The following TRIM24 variants were observed in gnomAD, a reference collection of about 807,000 sequenced individuals.
TRIM24 encodes the protein tripartite motif containing 24, also known as transcription intermediary factor 1-alpha.
Under a neutral mutation model 123.9 loss-of-function variants are expected in TRIM24, and 29 were observed. That is an observed-to-expected ratio of 0.23 (90% CI 0.17 to 0.32). The LOEUF (loss-of-function observed/expected upper bound fraction) is 0.32, where lower values mean the gene tolerates loss of function less well. TRIM24 is among the 10% of genes least tolerant of loss of function. The pLI is 1.00. For missense variants in TRIM24, 932 were observed against 1,295.3 expected (o/e 0.72, Z 4.31); for synonymous variants, 456 against 461.1 (o/e 0.99, Z 0.14).
intron 1 of TRIM24, among the ~76,000 whole-genome samples, chr7:138,489,881 A>T (rs1050562220): frequency 1.3e-5 from 2 of 152,018 alleles, no homozygotes; most frequent in African/African-American, 4.8e-5. Flanking sequence ...GTATTTCCTG[A>T]ATTTGAACGT....
chr7:138,573,690 C>T (rs1350170281), intron 12 of TRIM24, 48 bp downstream of exon 12: 3 of 1,570,392 alleles, frequency 1.9e-6, no homozygotes, highest in Admixed American at 4.0e-5. Flanking sequence ...CTAGTTTTCA[C>T]TTTACTTGGA....
At chr7:138,500,632 G>GGGA (rs1450216520) in intron 1 of TRIM24, among the ~76,000 whole-genome samples, 1 of 151,398 alleles carries the variant, frequency 6.6e-6, no homozygotes, top group Non-Finnish European at 1.5e-5. Flanking sequence ...ACAGCACTTT[G>GGGA]GGAGGCCAAG....
intron 2 of TRIM24, among the ~76,000 whole-genome samples, chr7:138,510,235 A>G (rs986227125): frequency 6.6e-6 from 1 of 152,262 alleles, no homozygotes; most frequent in African/African-American, 2.4e-5. Flanking sequence ...CGAATGTGAA[A>G]CCAGCTTGTA....
chr7:138,519,232 T>C lies in TRIM24; in HGVS notation c.675T>C (p.Phe225=). 2 of 1,614,156 alleles carry C rather than the reference T, an allele frequency of 1.2e-6. No homozygotes were observed. The highest frequency in any genetic ancestry group is 2.2e-5 in the South Asian group (2 of 91,076). The change falls in exon 4 of 19, where the codon TTT becomes TTC. Residue 225 remains phenylalanine, a synonymous_variant. Coordinates refer to ENST00000343526, the MANE Select transcript of TRIM24 (RefSeq NM_015905.3). ...VTSQRPVFCP[F]HKKEQLKLYC... The stretch of plus-strand genomic sequence containing the variant: ...GCCAGCGACCAGTGTTTTGTCCTTT[T>C]CATAAAAAGGAGCAGCTGAAGCTGT...
At chr7:138,522,571 A>G (rs1796525706) in intron 4 of TRIM24, among the ~76,000 whole-genome samples, 2 of 152,314 alleles carry the variant, frequency 1.3e-5, no homozygotes, top group Non-Finnish European at 1.5e-5. Flanking sequence ...AAAGGAAAAA[A>G]TTATTTAGAA....
chr7:138,554,809 A>G lies in TRIM24; in HGVS notation c.1373A>G (p.Lys458Arg), dbSNP rs754235996. The G allele has an allele frequency of 6.2e-7, 1 of 1,614,112 alleles. No individual in the cohort carries two copies. The highest frequency in any genetic ancestry group is 1.7e-5 in the Admixed American group (1 of 60,006). The change falls in exon 9 of 19, where the codon AAG becomes AGG. Residue 458 changes from lysine (K) to arginine (R), a missense_variant. Physicochemically the swap from Lys to Arg is conservative, Grantham distance 26. Coordinates refer to ENST00000343526, the MANE Select transcript of TRIM24 (RefSeq NM_015905.3). The surrounding 1 kb of genome is among the most constrained non-coding windows in gnomAD (Gnocchi z 4.5). Reference protein sequence around the residue: ...PSGLSSNQLSKFPTQISLAQL... With the variant: ...PSGLSSNQLSRFPTQISLAQL... ...GGTTTATCATCAAACCAGTTATCCA[A>G]GTTCCCAACACAGATCAGCCTAGCT...
chr7:138,588,191 G>T lies in TRIM24; in HGVS notation c.*3240G>T, dbSNP rs1198883055. The T allele has an allele frequency of 6.6e-6, 1 of 152,164 alleles. No homozygotes were observed. Among genetic ancestry groups the T allele is most frequent in the Non-Finnish European group, 1.5e-5 (1 of 68,032 alleles). The allele number at this position is 152,164 out of a possible 1,614,324, so 9.4% of individuals were successfully genotyped here. Reference sequence around the variant, plus strand: ...AAACTGCATTTCAATATGCTATGCTGTTACTGTGCTTAGACACTTCCTTAC... The same window carrying T: ...AAACTGCATTTCAATATGCTATGCTTTTACTGTGCTTAGACACTTCCTTAC... On this transcript the variant is annotated 3_prime_UTR_variant, in exon 19 of 19. Transcript: ENST00000343526.
Position 138,515,329 on chromosome 7 carries a change from A to G in TRIM24, c.601A>G (p.Thr201Ala), listed in dbSNP as rs891785744. The change falls in exon 3 of 19, where the codon ACT becomes GCT. Residue 201 changes from threonine to alanine, a missense_variant. Coordinates refer to ENST00000343526, the MANE Select transcript of TRIM24 (RefSeq NM_015905.3). ...GAGGGTAAAGTTCACAAAAGACCAC[A>G]CTGTCAGACAGAAAGAGGAAGTATC... ...HQRVKFTKDH[T>A]VRQKEEVSPE... The G allele has an allele frequency of 1.2e-6, 2 of 1,613,988 alleles. No individual in the cohort carries two copies. Among genetic ancestry groups the G allele is most frequent in the Non-Finnish European group, 1.7e-6 (2 of 1,179,990 alleles).
intron 1 of TRIM24, among the ~76,000 whole-genome samples, chr7:138,474,067 A>G (rs1795343789): frequency 6.6e-6 from 1 of 151,628 alleles, no homozygotes; most frequent in South Asian, 2.1e-4. Context: ...CATGGCACCC[A>G]GTTGAGCACT....
At chr7:138,497,501 A>G (rs953178397) in intron 1 of TRIM24, among the ~76,000 whole-genome samples, 14 of 147,444 alleles carry the variant, frequency 9.5e-5, no homozygotes, top group African/African-American at 2.5e-4. Flanking sequence ...CCTGGGTTCA[A>G]TCTCCCTGCC....
chr7:138,525,428 T>G, intron 5 of TRIM24, 71 bp downstream of exon 5: 1 of 863,252 alleles, frequency 1.2e-6, no homozygotes, highest in Non-Finnish European at 1.7e-6. Flanking sequence ...AACATTTTCC[T>G]TAAGTCACAG....
At chr7:138,581,881 CTTAAATCTTA>C in intron 17 of TRIM24, 110 bp downstream of exon 17, 1 of 813,786 alleles carries the variant, frequency 1.2e-6, no homozygotes, top group Non-Finnish European at 2.0e-6. Context: ...ATATCTAAAC[CTTAAATCTTA>C]ATAATACATA....
At chr7:138,463,988 A>ATT (rs1359459460) in intron 1 of TRIM24, among the ~76,000 whole-genome samples, 1 of 32,114 alleles carries the variant, frequency 3.1e-5, no homozygotes. Flanking sequence ...AAAAATTTAG[A>ATT]CTTTTTTTTT....
At chr7:138,516,821 T>G (rs1414722668) in intron 3 of TRIM24, among the ~76,000 whole-genome samples, 1 of 151,622 alleles carries the variant, frequency 6.6e-6, no homozygotes, top group Non-Finnish European at 1.5e-5. Flanking sequence ...TTGTTTTTTT[T>G]TTTTTTTTGA....
At chr7:138,574,368 T>C (rs2116677862) in intron 12 of TRIM24, among the ~76,000 whole-genome samples, 1 of 152,308 alleles carries the variant, frequency 6.6e-6, no homozygotes, top group East Asian at 1.9e-4. Context: ...AAAGAGAATT[T>C]AAGTCACTCA....
At chr7:138,537,379 GTTTTTTTTTTTT>G (rs71177994) in intron 6 of TRIM24, among the ~76,000 whole-genome samples, 1,247 of 56,682 alleles carry the variant, frequency 0.022, 28 homozygotes, top group African/African-American at 0.083. Flanking sequence ...ACCCCTGTTT[GTTTTTTTTTTTT>G]TTTTTTTTTT....
intron 14 of TRIM24, among the ~76,000 whole-genome samples, 175 bp from the exon 15 acceptor site, chr7:138,579,029 A>C (rs1271945920): frequency 6.6e-6 from 1 of 151,578 alleles, no homozygotes; most frequent in African/African-American, 2.4e-5. Context: ...TTATTTTGGT[A>C]TTTTTTAGTA....
intron 7 of TRIM24, among the ~76,000 whole-genome samples, chr7:138,548,367 C>T (rs371403593): frequency 3.3e-5 from 5 of 151,450 alleles, no homozygotes; most frequent in South Asian, 2.1e-4. Flanking sequence ...TGCAGTGAGC[C>T]GAGCTGAGAT....
At chr7:138,523,928 C>G (rs182909705) in intron 4 of TRIM24, among the ~76,000 whole-genome samples, 92 of 152,026 alleles carry the variant, frequency 6.1e-4, no homozygotes, top group African/African-American at 2.1e-3. Flanking sequence ...TGTAAAAATT[C>G]CAAGAAACGG....
Sources: allele counts gnomAD v4.1 joint callset (sites outside exome capture counted in the v4.1 genomes callset), GRCh38; gene constraint gnomAD v4.1.1; non-coding constraint Gnocchi (gnomAD v3.1); transcripts MANE v1.5; gene names NCBI Gene and HGNC (gene_info 2026-07-23, HGNC 2026-07-21).